NXPH2: variants seen among roughly 807,000 people sequenced by gnomAD.
NXPH2 encodes neurexophilin 2.
A neutral mutation model predicts 19.8 loss-of-function variants in NXPH2; 5 were observed. That is an observed-to-expected ratio of 0.25 (90% CI 0.13 to 0.53). NXPH2 has a LOEUF of 0.53. Among genes scored for constraint, NXPH2 ranks in the 20% least tolerant of loss-of-function variants. The pLI, the probability that NXPH2 is intolerant of heterozygous loss-of-function variation, is 0.96. For synonymous variants in NXPH2, 154 were observed against 127.4 expected (o/e 1.21, Z -1.41); for missense variants, 289 against 322.8 (o/e 0.90, Z 0.80).
intron 1 of NXPH2, among the ~76,000 whole-genome samples, chr2:138,697,685 A>T (rs554057932): frequency 1.3e-5 from 2 of 151,932 alleles, no homozygotes; most frequent in South Asian, 4.2e-4. Context: ...TTTCATTTTC[A>T]GATTAAACAC....
chr2:138,739,241 A>G (rs1039053520), intron 1 of NXPH2, among the ~76,000 whole-genome samples: 8 of 152,222 alleles, frequency 5.3e-5, no homozygotes, highest in Admixed American at 5.2e-4. Flanking sequence ...TCCACATTAG[A>G]CTAATACACT....
At chr2:138,718,144 A>G (rs1240515500) in intron 1 of NXPH2, among the ~76,000 whole-genome samples, 1 of 152,110 alleles carries the variant, frequency 6.6e-6, no homozygotes, top group Non-Finnish European at 1.5e-5. Flanking sequence ...TAAATAATGA[A>G]ATGAAAATAT....
intron 1 of NXPH2, among the ~76,000 whole-genome samples, chr2:138,726,271 C>T (rs2104996750): frequency 6.6e-6 from 1 of 152,242 alleles, no homozygotes; most frequent in East Asian, 1.9e-4. Flanking sequence ...TCTTGAACTC[C>T]TGACCTGAAG....
At chr2:138,687,429 C>T (rs1680677336) in intron 1 of NXPH2, among the ~76,000 whole-genome samples, 1 of 151,708 alleles carries the variant, frequency 6.6e-6, no homozygotes, top group Admixed American at 6.6e-5. Context: ...TGTTTGAGTT[C>T]TTTGTAGATT....
intron 1 of NXPH2, among the ~76,000 whole-genome samples, chr2:138,767,111 T>C (rs1172070776): frequency 6.6e-6 from 1 of 152,226 alleles, no homozygotes; most frequent in Non-Finnish European, 1.5e-5. Context: ...ATTTATTATA[T>C]TATACTCTGT....
intron 1 of NXPH2, among the ~76,000 whole-genome samples, chr2:138,764,416 T>C (rs1430128872): frequency 6.6e-6 from 1 of 152,188 alleles, no homozygotes; most frequent in Non-Finnish European, 1.5e-5. Flanking sequence ...ATGGCCATTG[T>C]AGCTGGCCCA....
At chr2:138,758,562 T>C (rs973011998) in intron 1 of NXPH2, among the ~76,000 whole-genome samples, 1 of 152,210 alleles carries the variant, frequency 6.6e-6, no homozygotes, top group African/African-American at 2.4e-5. Context: ...TCATGCCTCA[T>C]GTCTCCACCT....
At chr2:138,731,546 G>A (rs752624559) in intron 1 of NXPH2, among the ~76,000 whole-genome samples, 3 of 152,000 alleles carry the variant, frequency 2.0e-5, no homozygotes, top group Admixed American at 6.6e-5. Context: ...TAATGATTGG[G>A]CTAAAAATGC....
chr2:138,726,618 T>G (rs994989418), intron 1 of NXPH2, among the ~76,000 whole-genome samples: 6 of 151,772 alleles, frequency 4.0e-5, no homozygotes, highest in Non-Finnish European at 5.9e-5. Context: ...ATGTGTGTGT[T>G]TTTTTTAAAT....
In NXPH2 at chr2:138,772,588, C is replaced by A. The variant is rs184052001; in HGVS notation, c.51+7603G>T. Among the ~76,000 whole-genome samples, 251 of 152,282 alleles carry A rather than the reference C, an allele frequency of 1.6e-3. 1 individual carries two copies. The highest frequency in any genetic ancestry group is 5.7e-3 in the African/African-American group (238 of 41,558). On this transcript the variant is annotated intron_variant, in intron 1 of 1. Coordinates refer to ENST00000272641, the MANE Select transcript of NXPH2 (RefSeq NM_007226.3). ...CTGGGACTACAGGGGTGAGCCACCG[C>A]GCCCGGCCCATGAGGTTAAATTCTA...
At chr2:138,721,412 T>C (rs939392282) in intron 1 of NXPH2, among the ~76,000 whole-genome samples, 1 of 151,750 alleles carries the variant, frequency 6.6e-6, no homozygotes, top group Non-Finnish European at 1.5e-5. Context: ...AGGAATTCAA[T>C]TGGAAAGAGT....
At chr2:138,673,399 T>A (rs1000821308) in intron 1 of NXPH2, among the ~76,000 whole-genome samples, 5 of 152,184 alleles carry the variant, frequency 3.3e-5, no homozygotes, top group African/African-American at 4.8e-5. Flanking sequence ...TATAATATTT[T>A]ACATATTTAT....
At chr2:138,760,702 C>A (rs570333043) in intron 1 of NXPH2, among the ~76,000 whole-genome samples, 1 of 152,150 alleles carries the variant, frequency 6.6e-6, no homozygotes, top group Admixed American at 6.5e-5. Flanking sequence ...ACCTTAAACC[C>A]ATGGTATCTA....
At chr2:138,755,444 T>C (rs935217510) in intron 1 of NXPH2, among the ~76,000 whole-genome samples, 1 of 152,196 alleles carries the variant, frequency 6.6e-6, no homozygotes, top group African/African-American at 2.4e-5. Flanking sequence ...CTCCATTGAA[T>C]TGCCTTTGTT....
chr2:138,674,624 C>T (rs1680459499), intron 1 of NXPH2, among the ~76,000 whole-genome samples: 1 of 152,150 alleles, frequency 6.6e-6, no homozygotes, highest in Non-Finnish European at 1.5e-5. Context: ...AAACTTCATT[C>T]CAATCATTTG....
At chr2:138,745,143 CA>C (rs1681705564) in intron 1 of NXPH2, among the ~76,000 whole-genome samples, 1 of 152,180 alleles carries the variant, frequency 6.6e-6, no homozygotes, top group African/African-American at 2.4e-5. Flanking sequence ...TGTAGCTGGG[CA>C]TGCCAGGTGC....
At chr2:138,748,329 A>C (rs935448240) in intron 1 of NXPH2, among the ~76,000 whole-genome samples, 1 of 152,176 alleles carries the variant, frequency 6.6e-6, no homozygotes, top group Non-Finnish European at 1.5e-5. Flanking sequence ...TGAGAATGAA[A>C]GCTCATTAGG....
intron 1 of NXPH2, among the ~76,000 whole-genome samples, chr2:138,675,973 G>A (rs1680478946): frequency 6.6e-6 from 1 of 151,948 alleles, no homozygotes; most frequent in Non-Finnish European, 1.5e-5. Context: ...GTGTGTGTGT[G>A]TGTGTGTGTG....
chr2:138,772,246 A>ACGGCAT (rs1682190447), intron 1 of NXPH2, among the ~76,000 whole-genome samples: 1 of 152,162 alleles, frequency 6.6e-6, no homozygotes, highest in Non-Finnish European at 1.5e-5. Context: ...TAACATGAAA[A>ACGGCAT]TGGCATTAAA....
Sources: allele counts gnomAD v4.1 joint callset (sites outside exome capture counted in the v4.1 genomes callset), GRCh38; gene constraint gnomAD v4.1.1; transcripts MANE v1.5; gene names NCBI Gene and HGNC (gene_info 2026-07-23, HGNC 2026-07-21).